The following EPHB2 variants were observed in gnomAD, a reference collection of about 807,000 sequenced individuals.
EPHB2 encodes the protein EPH receptor B2, also known as ephrin type-B receptor 2.
A neutral mutation model predicts 96.4 loss-of-function variants in EPHB2; 18 were observed. The ratio of observed to expected loss-of-function variants is 0.19; its 90% CI spans 0.13 to 0.28. The LOEUF is 0.28. EPHB2 is among the 10% of genes least tolerant of loss of function. The probability of loss-of-function intolerance (pLI) is 1.00; values close to 1 mark genes in which losing one functional copy is unlikely to be tolerated. For missense variants in EPHB2, 989 were observed against 1,355.4 expected (o/e 0.73, Z 4.25); for synonymous variants, 506 against 534.1 (o/e 0.95, Z 0.72).
intron 3 of EPHB2, among the ~76,000 whole-genome samples, chr1:22,852,167 A>G (rs1363080684): frequency 6.6e-6 from 1 of 152,238 alleles, no homozygotes; most frequent in Non-Finnish European, 1.5e-5. Context: ...CGTGGTAGCC[A>G]GGATTTTTGA....
Position 22,858,298 on chromosome 1 carries a change from G to A in EPHB2, c.812-4739G>A, listed in dbSNP as rs1375980044. Among the ~76,000 whole-genome samples the A allele has an allele frequency of 6.6e-6, 1 of 152,132 alleles. No homozygotes were observed. Among genetic ancestry groups the A allele is most frequent in the Non-Finnish European group, 1.5e-5 (1 of 68,034 alleles). On this transcript the variant is annotated intron_variant, in intron 3 of 15. Transcript: ENST00000374630. The surrounding 1 kb of genome is among the most constrained non-coding windows in gnomAD (Gnocchi z 7.7). ...GGCCTTGTAGCCAGGCTAGGCATGT[G>A]GGTCTATTCTAAGTGCAGTGGGGAT... is the stretch of plus-strand genomic sequence containing the variant.
rs1318420169 is a variant in EPHB2, at chr1:22,785,001, G to A, written c.736G>A (p.Glu246Lys). 1.4e-5 allele frequency: 22 copies of A among 1,613,798 alleles called. No individual in the cohort carries two copies. Among genetic ancestry groups the A allele is most frequent in the East Asian group, 6.7e-5 (3 of 44,900 alleles). ...CAAGCTCTACTGTAACGGGGACGGC[G>A]AGTGGCTGGTGCCCATCGGGCGCTG... ...PIKLYCNGDG[E>K]WLVPIGRCMC... Residue 246 changes from glutamate (E) to lysine (K), a missense_variant, in exon 3 of 16, where the codon GAG (glutamate) becomes AAG (lysine). Transcript: ENST00000374630.
At chr1:22,729,170 C>T (rs1168114564) in intron 1 of EPHB2, among the ~76,000 whole-genome samples, 3 of 152,188 alleles carry the variant, frequency 2.0e-5, no homozygotes, top group Admixed American at 6.5e-5. Flanking sequence ...GTTGGGCAGA[C>T]CTTGGGCAGC....
chr1:22,875,547 C>T lies in EPHB2; in HGVS notation c.1304-6812C>T, dbSNP rs1415424785. On this transcript the variant is annotated intron_variant, in intron 5 of 15. Transcript: ENST00000374630. This position sits in a 1 kb window ranked among gnomAD's most constrained non-coding sequence, Gnocchi z 4.2. ...GGCCAGCCCACAAGGTCGGTAGACTCGGGTTCCTGAGGGCGCCAGAAAAGG... is the reference window on the plus strand; with the variant it reads ...GGCCAGCCCACAAGGTCGGTAGACTTGGGTTCCTGAGGGCGCCAGAAAAGG... Among the ~76,000 whole-genome samples, 1 of 152,148 alleles carries T rather than the reference C, an allele frequency of 6.6e-6. No individual in the cohort carries two copies. Among genetic ancestry groups the T allele is most frequent in the African/African-American group, 2.4e-5 (1 of 41,438 alleles).
intron 3 of EPHB2, among the ~76,000 whole-genome samples, chr1:22,808,253 T>A (rs977159586): frequency 2.4e-4 from 36 of 152,218 alleles, no homozygotes; most frequent in Admixed American, 4.6e-4. Context: ...CAAACCTGAA[T>A]GCGGTGCTGC....
chr1:22,822,550 C>T (rs1046518058), intron 3 of EPHB2, among the ~76,000 whole-genome samples: 1 of 152,220 alleles, frequency 6.6e-6, no homozygotes, highest in African/African-American at 2.4e-5. Context: ...TTCCTTCTTC[C>T]TTGGGAATGT....
Position 22,852,867 on chromosome 1 carries a change from C to G in EPHB2, c.812-10170C>G, listed in dbSNP as rs367971279. On this transcript the variant is annotated intron_variant, in intron 3 of 15. Transcript: ENST00000374630. ...GCAGGGCAGGTGCAGTGGCTGCCCT[C>G]ATGGAGCTCACAGCTGGTAGGAGGA... Among the ~76,000 whole-genome samples, 11 of 152,358 alleles carry G rather than the reference C, an allele frequency of 7.2e-5. No individual in the cohort carries two copies. In the East Asian group the frequency reaches 1.9e-3, roughly 27 times the overall value.
Position 22,906,012 on chromosome 1 carries a change from C to T in EPHB2, c.1791C>T (p.Ile597=), listed in dbSNP as rs745346872. The change falls in exon 10 of 16, where the codon ATC becomes ATT. Residue 597 remains isoleucine (I), a synonymous_variant. Coordinates refer to ENST00000374630, the MANE Select transcript of EPHB2 (RefSeq NM_017449.5). The surrounding 1 kb of genome is among the most constrained non-coding windows in gnomAD (Gnocchi z 4.8). ...TGACCCCAGGCATGAAGATCTACAT[C>T]GATCCTTTCACCTACGAGGACCCCA... is the stretch of plus-strand genomic sequence containing the variant. ...GHMTPGMKIY[I]DPFTYEDPNE... 1.2e-5 allele frequency: 19 copies of T among 1,614,090 alleles called. No homozygotes were observed. The highest frequency in any genetic ancestry group is 1.5e-5 in the Non-Finnish European group (18 of 1,180,058).
chr1:22,902,676 A>G (rs1447261439), intron 9 of EPHB2, among the ~76,000 whole-genome samples: 2 of 152,236 alleles, frequency 1.3e-5, no homozygotes, highest in African/African-American at 4.8e-5. Flanking sequence ...CAAGACAGAC[A>G]CAGCCTCGGT....
intron 3 of EPHB2, among the ~76,000 whole-genome samples, chr1:22,817,413 G>A (rs753652226): frequency 9.2e-5 from 14 of 152,198 alleles, no homozygotes; most frequent in East Asian, 3.9e-4. Flanking sequence ...ATTAGAACCC[G>A]CAGTTGCCTG....
intron 1 of EPHB2, among the ~76,000 whole-genome samples, chr1:22,747,009 G>C (rs1350558215): frequency 6.6e-6 from 1 of 152,192 alleles, no homozygotes; most frequent in Admixed American, 6.5e-5. Flanking sequence ...GGTGAGAGCA[G>C]GAGAGTCCCT....
intron 3 of EPHB2, among the ~76,000 whole-genome samples, chr1:22,832,125 G>A (rs1645313372): frequency 6.6e-6 from 1 of 152,130 alleles, no homozygotes; most frequent in African/African-American, 2.4e-5. Flanking sequence ...AGAAAGTAGG[G>A]ACAAGAGACT....
At chr1:22,734,278 A>G (rs1025990954) in intron 1 of EPHB2, among the ~76,000 whole-genome samples, 4 of 152,172 alleles carry the variant, frequency 2.6e-5, no homozygotes, top group Non-Finnish European at 5.9e-5. Flanking sequence ...TGTGGTTCAC[A>G]GCATCCTTTC....
At chr1:22,763,681 GCTGCTATGA>G (rs1644266876) in intron 1 of EPHB2, among the ~76,000 whole-genome samples, 1 of 152,142 alleles carries the variant, frequency 6.6e-6, no homozygotes, top group Non-Finnish European at 1.5e-5. Context: ...GTTTCTTGTT[GCTGCTATGA>G]CTAATTACCA....
intron 3 of EPHB2, among the ~76,000 whole-genome samples, chr1:22,837,234 A>G (rs974923314): frequency 1.3e-5 from 2 of 152,210 alleles, no homozygotes; most frequent in Non-Finnish European, 2.9e-5. Context: ...GAAGGGGGGA[A>G]GCCATTCTCC....
At chr1:22,721,513 T>C (rs1051540859) in intron 1 of EPHB2, among the ~76,000 whole-genome samples, 1 of 152,188 alleles carries the variant, frequency 6.6e-6, no homozygotes, top group Non-Finnish European at 1.5e-5. Context: ...TAAGAGCGCA[T>C]GTCCAGTCTA....
At chr1:22,867,751 A>G (rs983482851) in intron 5 of EPHB2, among the ~76,000 whole-genome samples, 4 of 152,204 alleles carry the variant, frequency 2.6e-5, no homozygotes, top group Admixed American at 2.6e-4. Context: ...GAGCACCTGC[A>G]ATCCCAGCTA....
intron 3 of EPHB2, among the ~76,000 whole-genome samples, chr1:22,805,518 G>A (rs1438291907): frequency 6.6e-6 from 1 of 152,096 alleles, no homozygotes; most frequent in African/African-American, 2.4e-5. Flanking sequence ...TCTGGCACAG[G>A]ATGCTCTCAC....
chr1:22,876,167 GT>G (rs1201402564), intron 5 of EPHB2, among the ~76,000 whole-genome samples: 2 of 152,122 alleles, frequency 1.3e-5, no homozygotes, highest in African/African-American at 4.8e-5. Context: ...TTGGGATGGG[GT>G]CTCCAGCTGT....
Sources: gnomAD v4.1 joint callset for allele counts (sites outside exome capture counted in the v4.1 genomes callset) on GRCh38, gnomAD v4.1.1 for gene constraint, Gnocchi (gnomAD v3.1) non-coding constraint, MANE v1.5 for transcripts, NCBI Gene and HGNC (gene_info 2026-07-23, HGNC 2026-07-21) for gene names.